The following SPATA6L variants were observed in gnomAD, a reference collection of about 807,000 sequenced individuals.
SPATA6L encodes spermatogenesis associated 6 like.
Under a neutral mutation model 49.2 loss-of-function variants are expected in SPATA6L, and 68 were observed. The observed-to-expected ratio is 1.38, with a 90% CI of 1.14 to 1.69. The LOEUF (loss-of-function observed/expected upper bound fraction) is 1.69, where lower values mean the gene tolerates loss of function less well. Ranked by LOEUF, SPATA6L falls within the 40% of genes most tolerant of loss-of-function variation. SPATA6L has a pLI of 0.00. For missense variants in SPATA6L, 668 were observed against 464.3 expected (o/e 1.44, Z -4.03); for synonymous variants, 198 against 165.7 (o/e 1.19, Z -1.50).
chr9:4,622,429 A>G lies in SPATA6L; in HGVS notation c.751T>C (p.Phe251Leu). The G allele has an allele frequency of 1.2e-6, 2 of 1,613,160 alleles. No homozygotes were observed. The highest frequency in any genetic ancestry group is 1.7e-6 in the Non-Finnish European group (2 of 1,179,160). Residue 251 changes from phenylalanine (F) to leucine (L), a missense_variant, in exon 7 of 12, where the codon TTT becomes CTT. Transcript: ENST00000682582. The stretch of plus-strand genomic sequence containing the variant: ...GTACCTCTTCTCGTTGGAAACGGAA[A>G]GTCTGAAAACTTAGATTTTCTTCTA... ...RSRRKSKFSD[F>L]PFPTRRASSL...
Position 4,602,553 on chromosome 9 carries a change from T to G in SPATA6L, c.*1+1626A>C, listed in dbSNP as rs547719461. 2.0e-5 allele frequency among the ~76,000 whole-genome samples: 3 copies of G among 152,316 alleles called. No individual in the cohort carries two copies. The South Asian group carries it at 6.2e-4, about 32-fold the overall frequency. On this transcript the variant is annotated intron_variant, in intron 11 of 11. Transcript: ENST00000682582. ...CTGACTACAGTGAAAACTTAGCAGGTCATCCCACACTCCTTTATTGTTTAG... is the reference window on the plus strand; with the variant it reads ...CTGACTACAGTGAAAACTTAGCAGGGCATCCCACACTCCTTTATTGTTTAG...
Position 4,598,931 on chromosome 9 carries a change from T to C in SPATA6L, c.*1880A>G, listed in dbSNP as rs1822601451. Among the ~76,000 whole-genome samples the C allele has an allele frequency of 6.6e-6, 1 of 152,250 alleles. No individual in the cohort carries two copies. Among genetic ancestry groups the C allele is most frequent in the African/African-American group, 2.4e-5 (1 of 41,466 alleles). On this transcript the variant is annotated 3_prime_UTR_variant, in exon 12 of 12. Transcript: ENST00000682582. ...GGTTGTGATACAGGTTGAGTCTCCC[T>C]TATCTTCAGTGCTTGGGACTGACCA...
At chr9:4,657,331 C>A (rs1170903168) in intron 2 of SPATA6L, among the ~76,000 whole-genome samples, 1 of 152,074 alleles carries the variant, frequency 6.6e-6, no homozygotes, top group Non-Finnish European at 1.5e-5. Flanking sequence ...TCATTTTACC[C>A]ATTGTTATGG....
At chr9:4,646,139 C>T (rs1323023529) in intron 3 of SPATA6L, among the ~76,000 whole-genome samples, 1 of 151,896 alleles carries the variant, frequency 6.6e-6, no homozygotes, top group African/African-American at 2.4e-5. Context: ...CACACACACA[C>T]ACACACCCCA....
downstream of SPATA6L, among the ~76,000 whole-genome samples, chr9:4,596,689 T>C (rs1822284947): frequency 6.6e-6 from 1 of 152,246 alleles, no homozygotes; most frequent in South Asian, 2.1e-4. Flanking sequence ...TTCCAACTTC[T>C]GTCAAGAGAC....
chr9:4,663,556 A>G, intron 1 of SPATA6L: 1 of 349,586 alleles, frequency 2.9e-6, no homozygotes, highest in Non-Finnish European at 5.5e-6. Flanking sequence ...AGGTGGTTAT[A>G]CTGTTGCTGT....
chr9:4,646,432 A>T (rs765035565), intron 3 of SPATA6L: 235 of 1,335,388 alleles, frequency 1.8e-4, no homozygotes, highest in Non-Finnish European at 2.3e-4. Flanking sequence ...GACAGGCCAA[A>T]TTTATTTTAA....
downstream of SPATA6L, among the ~76,000 whole-genome samples, chr9:4,597,547 T>A (rs529540942): frequency 1.3e-5 from 2 of 152,314 alleles, no homozygotes; most frequent in Non-Finnish European, 2.9e-5. Flanking sequence ...GACATGACCC[T>A]GTTTTGACCA....
rs1475170918 is a variant in SPATA6L, at chr9:4,662,825, C to T, written c.40-789G>A. On this transcript the variant is annotated intron_variant, in intron 1 of 11. Transcript: ENST00000682582. The surrounding 1 kb of genome is among the most constrained non-coding windows in gnomAD (Gnocchi z 4.9). ...ACGGCATCCCCTGGCTGCTGGGCAC[C>T]CTCTACTGCCTGTGCAGGAGCGACA... 1.2e-6 allele frequency: 2 copies of T among 1,604,926 alleles called. No homozygotes were observed. The highest frequency in any genetic ancestry group is 1.7e-6 in the Non-Finnish European group (2 of 1,179,946).
intron 7 of SPATA6L, among the ~76,000 whole-genome samples, chr9:4,621,795 G>T (rs1253567905): frequency 6.6e-6 from 1 of 152,128 alleles, no homozygotes; most frequent in Non-Finnish European, 1.5e-5. Context: ...GCCGTAGTCT[G>T]TTCTTATATT....
rs1563742976 is a variant in SPATA6L, at chr9:4,662,338, G to C, written c.40-302C>G. The C allele has an allele frequency of 2.0e-6, 3 of 1,466,418 alleles. No individual in the cohort carries two copies. The highest frequency in any genetic ancestry group is 2.7e-6 in the Non-Finnish European group (3 of 1,116,342). The allele number at this position is 1,466,418 out of a possible 1,614,324, so 90.8% of individuals were successfully genotyped here. On this transcript the variant is annotated intron_variant, in intron 1 of 11. Coordinates refer to ENST00000682582, the MANE Select transcript of SPATA6L (RefSeq NM_001353486.2). The surrounding 1 kb of genome is among the most constrained non-coding windows in gnomAD (Gnocchi z 4.9). ...CTGCAGGGCCGGGAAGCCTCTGTTT[G>C]GTCCGGCCAGGTCCCGGGATCCGGG...
chr9:4,631,833 C>A (rs10974677), intron 4 of SPATA6L, among the ~76,000 whole-genome samples: 3 of 151,922 alleles, frequency 2.0e-5, no homozygotes, highest in Admixed American at 6.6e-5. Context: ...CAGGCCAGCA[C>A]GAGGGTCCCT....
chr9:4,615,264 C>G (rs1025551615), intron 9 of SPATA6L, among the ~76,000 whole-genome samples: 1 of 152,156 alleles, frequency 6.6e-6, no homozygotes, highest in Non-Finnish European at 1.5e-5. Flanking sequence ...TTGCATACTT[C>G]TTTTTTATTA....
At chr9:4,661,366 T>C (rs2130796313) in intron 2 of SPATA6L, among the ~76,000 whole-genome samples, 1 of 152,368 alleles carries the variant, frequency 6.6e-6, no homozygotes, top group South Asian at 2.1e-4. Context: ...TTTTGACTAT[T>C]TATATCACCA....
chr9:4,642,691 C>G (rs1430910967), intron 3 of SPATA6L, among the ~76,000 whole-genome samples: 1 of 151,192 alleles, frequency 6.6e-6, no homozygotes, highest in East Asian at 1.9e-4. Flanking sequence ...TTCCTTCTCC[C>G]ATGCTCTCTT....
chr9:4,657,365 T>C (rs1396745421), intron 2 of SPATA6L, among the ~76,000 whole-genome samples: 5 of 152,108 alleles, frequency 3.3e-5, no homozygotes, highest in Non-Finnish European at 7.4e-5. Context: ...CCCCCAAAAA[T>C]TCATGGAATG....
At position 4,605,356 on chromosome 9, in the gene SPATA6L, G is replaced by C. The variant is rs766926564; in HGVS notation, c.1080C>G (p.His360Gln). Residue 360 changes from histidine (H) to glutamine (Q), a missense_variant, in exon 10 of 12, where the codon CAC (histidine) becomes CAG (glutamine). By Grantham distance (24) the His-to-Gln change is conservative. Coordinates refer to ENST00000682582, the MANE Select transcript of SPATA6L (RefSeq NM_001353486.2). ...SLLTSHRAQL[H>Q]QNKEDSTSEV... The stretch of plus-strand genomic sequence containing the variant: ...TATAAGAAAGTCTAACCTTGTTTTG[G>C]TGCAGCTGTGCTCTGTGGGATGTCA... 3 of 1,613,366 alleles carry C rather than the reference G, an allele frequency of 1.9e-6. No homozygotes were observed. The highest frequency in any genetic ancestry group is 2.5e-6 in the Non-Finnish European group (3 of 1,179,348).
intron 7 of SPATA6L, among the ~76,000 whole-genome samples, chr9:4,621,321 A>C (rs28406630): frequency 0.14 from 20,702 of 152,214 alleles, 3,048 homozygotes; most frequent in African/African-American, 0.36. Context: ...CCCCAGGGGT[A>C]CCCAAGACCT....
chr9:4,647,315 G>C (rs1036776057), intron 3 of SPATA6L, among the ~76,000 whole-genome samples: 5 of 152,154 alleles, frequency 3.3e-5, no homozygotes, highest in Non-Finnish European at 7.3e-5. Context: ...TTCAAGGCCA[G>C]GCACAGTGGC....
Sources: allele counts gnomAD v4.1 joint callset (sites outside exome capture counted in the v4.1 genomes callset), GRCh38; gene constraint gnomAD v4.1.1; non-coding constraint Gnocchi (gnomAD v3.1); transcripts MANE v1.5; gene names NCBI Gene and HGNC (gene_info 2026-07-23, HGNC 2026-07-21).